Variants in MAP2K5 observed in about 807,000 individuals in gnomAD.
MAP2K5 encodes the protein mitogen-activated protein kinase kinase 5, also known as dual specificity mitogen-activated protein kinase kinase 5.
A neutral mutation model predicts 83.1 loss-of-function variants in MAP2K5; 49 were observed. The ratio of observed to expected loss-of-function variants is 0.59; its 90% CI spans 0.47 to 0.75. The LOEUF is 0.75. Among genes scored for constraint, MAP2K5 ranks in the 30% least tolerant of loss-of-function variants. The pLI, the probability that MAP2K5 is intolerant of heterozygous loss-of-function variation, is 0.00. For missense variants in MAP2K5, 457 were observed against 557.5 expected, an observed-to-expected ratio of 0.82 and a Z score of 1.82; for synonymous variants, 202 against 191.8, an observed-to-expected ratio of 1.05 and a Z score of -0.44.
intron 11 of MAP2K5, among the ~76,000 whole-genome samples, chr15:67,657,585 G>C (rs2087116709): frequency 6.6e-6 from 1 of 151,480 alleles, no homozygotes; most frequent in South Asian, 2.1e-4. Context: ...GTAGCACCGA[G>C]AGCCAAAGTG....
rs1328553437 is a variant in MAP2K5, at chr15:67,559,114, TC to T, written c.185-4167del. Reference sequence around the variant, plus strand: ...AAACATGACATCTTTTCCGGTAGTTTCCTGTTGATGTCTTTCTAACTTCTAT... The same window carrying T: ...AAACATGACATCTTTTCCGGTAGTTTCTGTTGATGTCTTTCTAACTTCTAT... On this transcript the variant is annotated intron_variant, in intron 2 of 21. Coordinates refer to ENST00000178640, the MANE Select transcript of MAP2K5 (RefSeq NM_145160.3). This position sits in a 1 kb window ranked among gnomAD's most constrained non-coding sequence, Gnocchi z 4.7. 5.3e-5 allele frequency among the ~76,000 whole-genome samples: 8 copies of T among 152,254 alleles called. No homozygotes were observed. The East Asian group carries it at 1.3e-3, about 26-fold the overall frequency.
At chr15:67,575,922 T>TCTTTTTTTTTTTTTTTCTTTCTTTC (rs56896938) in intron 3 of MAP2K5, among the ~76,000 whole-genome samples, 1 of 58,398 alleles carries the variant, frequency 1.7e-5, no homozygotes, top group African/African-American at 5.6e-5. Context: ...CTTTCTTTTT[T>TCTTTTTTTTTTTTTTTCTTTCTTTC]TTTTTTTTTT....
intron 21 of MAP2K5, among the ~76,000 whole-genome samples, chr15:67,773,389 C>T (rs1479723482): frequency 3.9e-5 from 6 of 152,142 alleles, no homozygotes; most frequent in Non-Finnish European, 7.4e-5. Flanking sequence ...GTTAGAATAA[C>T]GTTAGGATCG....
chr15:67,648,322 G>C (rs1314642130), intron 11 of MAP2K5, among the ~76,000 whole-genome samples: 1 of 152,158 alleles, frequency 6.6e-6, no homozygotes, highest in African/African-American at 2.4e-5. Context: ...AATGGAATCT[G>C]ATAATATATG....
rs940070928 is a variant in MAP2K5 at position 67,720,193 on chromosome 15, G to A, written c.1045-7723G>A. 4.6e-5 allele frequency among the ~76,000 whole-genome samples: 7 copies of A among 151,956 alleles called. No homozygotes were observed. The highest frequency in any genetic ancestry group is 1.7e-4 in the African/African-American group (7 of 41,364). On this transcript the variant is annotated intron_variant, in intron 16 of 21. Transcript: ENST00000178640. The surrounding 1 kb of genome is among the most constrained non-coding windows in gnomAD (Gnocchi z 5.7). Reference sequence around the variant, plus strand: ...CTAACCAAAAAGTTACTCAGCTAGGGTTTTTGGTTTAATGTAGTATAGACA... The same window carrying A: ...CTAACCAAAAAGTTACTCAGCTAGGATTTTTGGTTTAATGTAGTATAGACA...
At position 67,692,460 on chromosome 15, in the gene MAP2K5, T is replaced by A. The variant is rs1451384144; in HGVS notation, c.848-19T>A. 1.9e-6 allele frequency: 3 copies of A among 1,600,900 alleles called. No homozygotes were observed. Among genetic ancestry groups the A allele is most frequent in the Non-Finnish European group, 2.6e-6 (3 of 1,168,250 alleles). Reference sequence around the variant, plus strand: ...GATACATGGAATTAGTTACATGGCCTTTTCTGGTCCCTTTTTAGACGTGAA... The same window carrying A: ...GATACATGGAATTAGTTACATGGCCATTTCTGGTCCCTTTTTAGACGTGAA... On this transcript the variant is annotated intron_variant, in intron 13 of 21. Coordinates refer to ENST00000178640, the MANE Select transcript of MAP2K5 (RefSeq NM_145160.3).
intron 7 of MAP2K5, among the ~76,000 whole-genome samples, chr15:67,598,275 T>G (rs549188003): frequency 6.6e-6 from 1 of 152,250 alleles, no homozygotes; most frequent in South Asian, 2.1e-4. Flanking sequence ...TTGCATAACT[T>G]TAAAACATTG....
chr15:67,671,969 A>G (rs951470838), intron 13 of MAP2K5, among the ~76,000 whole-genome samples: 3 of 151,876 alleles, frequency 2.0e-5, no homozygotes, highest in Admixed American at 2.0e-4. Flanking sequence ...AGTTTCATCC[A>G]TGTCCCTACA....
chr15:67,628,671 A>G, intron 8 of MAP2K5: 1 of 915,656 alleles, frequency 1.1e-6, no homozygotes, highest in Non-Finnish European at 1.8e-6. Context: ...AGAAATAACC[A>G]TACTGTGAAT....
At chr15:67,684,344 T>C (rs993362116) in intron 13 of MAP2K5, among the ~76,000 whole-genome samples, 3 of 152,202 alleles carry the variant, frequency 2.0e-5, no homozygotes, top group Non-Finnish European at 4.4e-5. Context: ...ATTAGAAGGA[T>C]TATGCTTTAG....
At chr15:67,681,086 C>G (rs2141184147) in intron 13 of MAP2K5, among the ~76,000 whole-genome samples, 1 of 152,342 alleles carries the variant, frequency 6.6e-6, no homozygotes, top group South Asian at 2.1e-4. Flanking sequence ...TCATCTGATT[C>G]ATTCAACATT....
At chr15:67,591,372 TTTATTA>T (rs572288335) in intron 6 of MAP2K5, among the ~76,000 whole-genome samples, 2 of 149,712 alleles carry the variant, frequency 1.3e-5, no homozygotes, top group South Asian at 2.2e-4. Flanking sequence ...GTTAACAGGC[TTTATTA>T]TTATTATTAT....
chr15:67,593,498 C>T (rs1041716239), intron 7 of MAP2K5, among the ~76,000 whole-genome samples: 7 of 152,180 alleles, frequency 4.6e-5, no homozygotes, highest in Non-Finnish European at 7.4e-5. Flanking sequence ...GAGGGACAAA[C>T]AAGCCTTCAG....
chr15:67,795,120 G>C (rs2090582986), intron 21 of MAP2K5, among the ~76,000 whole-genome samples: 1 of 152,032 alleles, frequency 6.6e-6, no homozygotes, highest in Admixed American at 6.6e-5. Context: ...TCATTCATAT[G>C]GTAGGCCCTT....
At chr15:67,661,696 G>T (rs533152908) in intron 12 of MAP2K5, among the ~76,000 whole-genome samples, 28 of 152,072 alleles carry the variant, frequency 1.8e-4, no homozygotes, top group Admixed American at 1.7e-3. Flanking sequence ...GAATATATTG[G>T]ATTGCCTTCC....
In MAP2K5 at chr15:67,594,240, G is replaced by A. The variant is rs941394699; in HGVS notation, c.480+1266G>A. On this transcript the variant is annotated intron_variant, in intron 7 of 21. Coordinates refer to ENST00000178640, the MANE Select transcript of MAP2K5 (RefSeq NM_145160.3). Reference sequence around the variant, plus strand: ...ATACCTTTAACTTTCAGCAGCCAAAGGTTTGTTTAGATTGAGGTCCACATC... The same window carrying A: ...ATACCTTTAACTTTCAGCAGCCAAAAGTTTGTTTAGATTGAGGTCCACATC... Among the ~76,000 whole-genome samples, 17 of 152,102 alleles carry A rather than the reference G, an allele frequency of 1.1e-4. 1 individual carries two copies. Among genetic ancestry groups the A allele is most frequent in the Admixed American group, 4.6e-4 (7 of 15,260 alleles).
chr15:67,773,755 C>T (rs74020422), intron 21 of MAP2K5, among the ~76,000 whole-genome samples: 1 of 152,144 alleles, frequency 6.6e-6, no homozygotes, highest in African/African-American at 2.4e-5. Flanking sequence ...CCCCTAAAAA[C>T]CTCTGCAATT....
rs921042246 is a variant in MAP2K5, at chr15:67,561,298, G to A, written c.185-1985G>A. 5.9e-5 allele frequency among the ~76,000 whole-genome samples: 9 copies of A among 151,958 alleles called. No individual in the cohort carries two copies. The highest frequency in any genetic ancestry group is 1.2e-4 in the Non-Finnish European group (8 of 67,994). On this transcript the variant is annotated intron_variant, in intron 2 of 21. Coordinates refer to ENST00000178640, the MANE Select transcript of MAP2K5 (RefSeq NM_145160.3). This position sits in a 1 kb window ranked among gnomAD's most constrained non-coding sequence, Gnocchi z 4.2. ...CTCCTGCATTTTTAAGAAAACTTTC[G>A]CCTTAACCTTGAAAATATTAGTTTC... is the stretch of plus-strand genomic sequence containing the variant.
At chr15:67,545,552 C>T (rs1567262925) in intron 1 of MAP2K5, among the ~76,000 whole-genome samples, 2 of 152,170 alleles carry the variant, frequency 1.3e-5, no homozygotes, top group Admixed American at 1.3e-4. Flanking sequence ...GAGATTGTGA[C>T]TGTGATGAGA....
Sources: gnomAD v4.1 joint callset for allele counts (sites outside exome capture counted in the v4.1 genomes callset) on GRCh38, gnomAD v4.1.1 for gene constraint, Gnocchi (gnomAD v3.1) non-coding constraint, MANE v1.5 for transcripts, NCBI Gene and HGNC (gene_info 2026-07-23, HGNC 2026-07-21) for gene names.